SUGCT: variants seen among roughly 807,000 people sequenced by gnomAD.
The protein encoded by SUGCT is succinyl-CoA:glutarate-CoA transferase.
SUGCT carries 41 observed loss-of-function variants against 55.0 expected under a neutral mutation model. The observed-to-expected ratio is 0.74, with a 90% CI of 0.58 to 0.97. The LOEUF (loss-of-function observed/expected upper bound fraction) is 0.97. Ranked by LOEUF, SUGCT falls within the 50% of genes least tolerant of loss-of-function variation. The probability of loss-of-function intolerance (pLI) is 0.00; values close to 1 mark genes in which losing one functional copy is unlikely to be tolerated. For missense variants in SUGCT, 568 were observed against 547.8 expected (o/e 1.04, Z -0.37); for synonymous variants, 187 against 200.4 (o/e 0.93, Z 0.56).
intron 13 of SUGCT, among the ~76,000 whole-genome samples, chr7:40,851,841 G>C (rs1490884611): frequency 6.6e-6 from 1 of 152,134 alleles, no homozygotes; most frequent in Non-Finnish European, 1.5e-5. Flanking sequence ...TTTGCCCCTT[G>C]TGGACATAAA....
intron 12 of SUGCT, chr7:40,538,320 A>C (rs1230855082): frequency 6.6e-6 from 1 of 152,194 alleles, no homozygotes; most frequent in Non-Finnish European, 1.5e-5. Context: ...TGAAGGATGA[A>C]GACATCAAGA....
intron 12 of SUGCT, among the ~76,000 whole-genome samples, chr7:40,663,715 T>A (rs919772788): frequency 6.6e-6 from 1 of 152,124 alleles, no homozygotes; most frequent in African/African-American, 2.4e-5. Flanking sequence ...TAAGCGTGCT[T>A]CAATTCCACC....
intron 13 of SUGCT, among the ~76,000 whole-genome samples, chr7:40,751,425 C>T (rs527942444): frequency 7.5e-4 from 114 of 152,040 alleles, no homozygotes; most frequent in African/African-American, 2.6e-3. Flanking sequence ...GTGATAGTGT[C>T]TTAAATTAGG....
chr7:40,773,231 C>T (rs770590690), intron 13 of SUGCT, among the ~76,000 whole-genome samples: 66 of 152,026 alleles, frequency 4.3e-4, no homozygotes, highest in Non-Finnish European at 8.4e-4. Flanking sequence ...TGGGTTCAAG[C>T]GATTCTCCTG....
In SUGCT at chr7:40,773,046, T is replaced by G. The variant is rs1789260052; in HGVS notation, c.1153+23549T>G. ...TTTGTTTTTATAATCATTATGAATA[T>G]TAATTTTTTATAGTAAGTGATTCCT... On this transcript the variant is annotated intron_variant, in intron 13 of 13. Transcript: ENST00000335693. 1.3e-5 allele frequency among the ~76,000 whole-genome samples: 2 copies of G among 152,174 alleles called. 1 individual carries two copies. Among genetic ancestry groups the G allele is most frequent in the South Asian group, 4.1e-4 (2 of 4,830 alleles).
At chr7:40,237,329 A>C (rs1789079785) in intron 6 of SUGCT, among the ~76,000 whole-genome samples, 1 of 151,878 alleles carries the variant, frequency 6.6e-6, no homozygotes, top group Non-Finnish European at 1.5e-5. Flanking sequence ...CTGTTATCCT[A>C]GCTACTCGGG....
chr7:40,195,789 A>T (rs1186364454), intron 6 of SUGCT, among the ~76,000 whole-genome samples: 1 of 129,292 alleles, frequency 7.7e-6, no homozygotes, highest in Non-Finnish European at 1.5e-5. Context: ...ATCTCGGCTC[A>T]CTGCACCCTC....
intron 9 of SUGCT, among the ~76,000 whole-genome samples, chr7:40,369,307 CTAT>C (rs778814599): frequency 6.6e-6 from 1 of 152,046 alleles, no homozygotes; most frequent in South Asian, 2.1e-4. Context: ...ATGAAGTAGA[CTAT>C]TATTAGAGAT....
the SUGCT span, among the ~76,000 whole-genome samples, chr7:41,038,511 A>G: frequency 6.6e-6 from 1 of 152,178 alleles, no homozygotes; most frequent in African/African-American, 2.4e-5. Flanking sequence ...CTTACTCTTA[A>G]TATACCCAGT....
At chr7:40,251,067 G>A (rs1440689730) in intron 7 of SUGCT, among the ~76,000 whole-genome samples, 4 of 151,996 alleles carry the variant, frequency 2.6e-5, no homozygotes, top group African/African-American at 9.7e-5. Context: ...CTGACCTTGT[G>A]ATCCATCCAC....
chr7:40,621,789 A>G (rs138312407), intron 12 of SUGCT, among the ~76,000 whole-genome samples: 270 of 152,310 alleles, frequency 1.8e-3, no homozygotes, highest in African/African-American at 5.8e-3. Context: ...GACATTTTTC[A>G]TCTTATATCT....
At chr7:40,624,695 G>C (rs1174358489) in intron 12 of SUGCT, among the ~76,000 whole-genome samples, 1 of 151,766 alleles carries the variant, frequency 6.6e-6, no homozygotes, top group African/African-American at 2.4e-5. Flanking sequence ...TGGATAAAAG[G>C]AAAGTCGGGA....
intron 7 of SUGCT, among the ~76,000 whole-genome samples, chr7:40,258,048 C>T (rs776219349): frequency 1.3e-5 from 2 of 152,200 alleles, no homozygotes; most frequent in South Asian, 4.1e-4. Flanking sequence ...TCTACCTTGA[C>T]ATCTAGTCAT....
chr7:40,478,322 GTACT>G (rs931337814), intron 11 of SUGCT, among the ~76,000 whole-genome samples: 2 of 151,990 alleles, frequency 1.3e-5, no homozygotes, highest in African/African-American at 4.8e-5. Context: ...TTTCTATCTA[GTACT>G]TACTACCTGT....
intron 6 of SUGCT, among the ~76,000 whole-genome samples, chr7:40,218,442 T>A (rs1011108863): frequency 5.3e-5 from 8 of 152,196 alleles, no homozygotes; most frequent in African/African-American, 1.9e-4. Flanking sequence ...GGTGACATTG[T>A]CTCTTTGGGA....
intron 11 of SUGCT, among the ~76,000 whole-genome samples, chr7:40,471,830 ATAG>A (rs1233919274): frequency 2.6e-5 from 4 of 152,234 alleles, no homozygotes; most frequent in Admixed American, 6.5e-5. Context: ...ACTGCAGATA[ATAG>A]TAGTTATTTT....
chr7:40,186,522 G>GT (rs760513270), intron 3 of SUGCT, among the ~76,000 whole-genome samples: 2 of 152,142 alleles, frequency 1.3e-5, no homozygotes, highest in Non-Finnish European at 2.9e-5. Flanking sequence ...GCCTCCCAAA[G>GT]TGTTGGGATT....
At chr7:40,908,400 A>AG in the SUGCT span, among the ~76,000 whole-genome samples, 1 of 150,990 alleles carries the variant, frequency 6.6e-6, no homozygotes, top group South Asian at 2.1e-4. Context: ...AAAAAAAAAA[A>AG]GGACCACAAG....
chr7:40,149,327 G>A (rs1421325456), intron 1 of SUGCT, among the ~76,000 whole-genome samples: 4 of 152,150 alleles, frequency 2.6e-5, no homozygotes, highest in African/African-American at 9.7e-5. Context: ...TAACCTCCAA[G>A]CTGTCCTTGT....
Sources: gnomAD v4.1 joint callset for allele counts (sites outside exome capture counted in the v4.1 genomes callset) on GRCh38, gnomAD v4.1.1 for gene constraint, MANE v1.5 for transcripts, NCBI Gene and HGNC (gene_info 2026-07-23, HGNC 2026-07-21) for gene names.